CAP2: variants seen among roughly 807,000 people sequenced by gnomAD.
The protein encoded by CAP2 is adenylyl cyclase-associated protein 2.
CAP2 carries 24 observed loss-of-function variants against 57.7 expected under a neutral mutation model. That is an observed-to-expected ratio of 0.42 (90% CI 0.30 to 0.58). The LOEUF is 0.58. CAP2 is among the 20% of genes least tolerant of loss of function. The pLI, the probability that CAP2 is intolerant of heterozygous loss-of-function variation, is 0.22. For missense variants in CAP2, 501 were observed against 590.3 expected, an observed-to-expected ratio of 0.85 and a Z score of 1.57; for synonymous variants, 194 against 207.2, an observed-to-expected ratio of 0.94 and a Z score of 0.55.
chr6:17,523,548 G>C (rs1184098176), intron 7 of CAP2, among the ~76,000 whole-genome samples: 1 of 152,054 alleles, frequency 6.6e-6, no homozygotes, highest in East Asian at 1.9e-4. Context: ...TGAGATCAAG[G>C]ATAAAACCTT....
At chr6:17,512,528 A>C (rs1762182393) in intron 6 of CAP2, among the ~76,000 whole-genome samples, 1 of 152,232 alleles carries the variant, frequency 6.6e-6, no homozygotes, top group African/African-American at 2.4e-5. Flanking sequence ...ATATTGAAGT[A>C]ATGTTCATGC....
In CAP2 at chr6:17,543,222, C is replaced by T. The variant is rs577567592; in HGVS notation, c.1209+79C>T. 5 of 1,185,924 alleles carry T rather than the reference C, an allele frequency of 4.2e-6. No homozygotes were observed. The African/African-American group carries it at 7.5e-5, about 18-fold the overall frequency. 73.5% of individuals were successfully genotyped at this position (1,185,924 alleles called of 1,614,324 possible). A position where few individuals can be genotyped will look rare whatever the true frequency, so the allele number is the denominator to read the frequency against. ...CTGTAATAAGCAGAGCCTTTCCAAC[C>T]ACGCTGTAGTAAGCAGCCTTTCCAA... On this transcript the variant is annotated intron_variant, in intron 11 of 12. Coordinates refer to ENST00000229922, the MANE Select transcript of CAP2 (RefSeq NM_006366.3).
chr6:17,473,039 T>G (rs537537407), intron 4 of CAP2, among the ~76,000 whole-genome samples: 5,605 of 140,812 alleles, frequency 0.04, 345 homozygotes, highest in African/African-American at 0.15. Flanking sequence ...ATGGTGACCT[T>G]TTTTTTTTTT....
At chr6:17,424,517 G>GT (rs1259852133) in intron 2 of CAP2, among the ~76,000 whole-genome samples, 2 of 152,150 alleles carry the variant, frequency 1.3e-5, no homozygotes, top group Non-Finnish European at 2.9e-5. Context: ...GAAGGTGAGT[G>GT]TTTTTTTCCT....
chr6:17,536,328 G>T lies in CAP2; in HGVS notation c.637-2941G>T, dbSNP rs1215275489. The T allele has an allele frequency of 6.6e-6, 3 of 456,646 alleles. No individual in the cohort carries two copies. In the Middle Eastern group the frequency reaches 9.8e-4, roughly 149 times the overall value. 28.3% of individuals were successfully genotyped at this position (456,646 alleles called of 1,614,324 possible). On this transcript the variant is annotated intron_variant, in intron 7 of 12. Coordinates refer to ENST00000229922, the MANE Select transcript of CAP2 (RefSeq NM_006366.3). ...GGGAACATCTAATCAGTTTGATTTC[G>T]AGTCCACTGTACGGTAAAGCACCTG...
At chr6:17,546,100 T>A (rs1415683638) in intron 11 of CAP2, among the ~76,000 whole-genome samples, 1 of 152,214 alleles carries the variant, frequency 6.6e-6, no homozygotes, top group Non-Finnish European at 1.5e-5. Context: ...TAGTTATAGA[T>A]CCTTGAGGAA....
At chr6:17,401,916 T>C (rs912925388) in intron 1 of CAP2, among the ~76,000 whole-genome samples, 5 of 152,196 alleles carry the variant, frequency 3.3e-5, no homozygotes, top group Non-Finnish European at 5.9e-5. Context: ...TGGACAATTA[T>C]CAATTGAAAG....
At chr6:17,430,099 G>A (rs891216141) in intron 3 of CAP2, among the ~76,000 whole-genome samples, 5 of 152,152 alleles carry the variant, frequency 3.3e-5, no homozygotes, top group Non-Finnish European at 7.3e-5. Context: ...AAGGAATAAG[G>A]GCAGCCAAGC....
At chr6:17,395,187 G>C (rs1426500094) in intron 1 of CAP2, among the ~76,000 whole-genome samples, 1 of 152,160 alleles carries the variant, frequency 6.6e-6, no homozygotes, top group Non-Finnish European at 1.5e-5. Context: ...AATTTAATTT[G>C]TTGATACAGG....
chr6:17,432,886 G>A lies in CAP2; in HGVS notation c.222+6196G>A, dbSNP rs182210559. On this transcript the variant is annotated intron_variant, in intron 3 of 12. Transcript: ENST00000229922. ...CTTTTTGTCTTCCTCCCTTCCTTCCGTCTCCCTTTCCTTTGCTTTTATTTT... is the reference window on the plus strand; with the variant it reads ...CTTTTTGTCTTCCTCCCTTCCTTCCATCTCCCTTTCCTTTGCTTTTATTTT... Among the ~76,000 whole-genome samples, 69 of 136,786 alleles carry A rather than the reference G, an allele frequency of 5.0e-4. No homozygotes were observed. In the East Asian group the frequency reaches 5.1e-3, roughly 10 times the overall value. 89.7% of individuals were successfully genotyped at this position (136,786 alleles called of 152,430 possible).
At chr6:17,517,818 T>C (rs1762304200) in intron 7 of CAP2, among the ~76,000 whole-genome samples, 1 of 152,086 alleles carries the variant, frequency 6.6e-6, no homozygotes. Flanking sequence ...AGAGAATCGC[T>C]TGAACCCGGG....
chr6:17,471,294 G>A (rs1761013606), intron 4 of CAP2, among the ~76,000 whole-genome samples: 1 of 152,198 alleles, frequency 6.6e-6, no homozygotes, highest in Admixed American at 6.5e-5. Context: ...GCTAAGTTCT[G>A]TTGTCAAGGG....
rs139935281 is a variant in CAP2 at position 17,460,386 on chromosome 6, T to G, written c.223-2610T>G. On this transcript the variant is annotated intron_variant, in intron 3 of 12. Transcript: ENST00000229922. ...AGAAGTTATGATGAGAATCATTAGG[T>G]TTGCATAAATGCAGAACTAATACTT... Among the ~76,000 whole-genome samples, 966 of 152,304 alleles carry G rather than the reference T, an allele frequency of 6.3e-3. 9 individuals are homozygous for G. Among genetic ancestry groups the G allele is most frequent in the East Asian group, 0.028 (143 of 5,184 alleles).
intron 1 of CAP2, among the ~76,000 whole-genome samples, chr6:17,418,852 A>T (rs1283393313): frequency 6.6e-6 from 1 of 152,184 alleles, no homozygotes; most frequent in Admixed American, 6.5e-5. Context: ...GATTACGTAA[A>T]GGATTCAATT....
chr6:17,432,296 CTG>C (rs1358949274), intron 3 of CAP2, among the ~76,000 whole-genome samples: 12 of 152,110 alleles, frequency 7.9e-5, no homozygotes, highest in Admixed American at 7.9e-4. Context: ...GCTTTAGAAT[CTG>C]TGTCTATCCA....
chr6:17,394,690 T>A (rs1470960187), intron 1 of CAP2, among the ~76,000 whole-genome samples: 1 of 152,224 alleles, frequency 6.6e-6, no homozygotes, highest in Non-Finnish European at 1.5e-5. Flanking sequence ...ACTGCTTCTG[T>A]AGATTTCATT....
chr6:17,548,865 A>G (rs1033554035), intron 11 of CAP2, among the ~76,000 whole-genome samples: 4 of 152,236 alleles, frequency 2.6e-5, no homozygotes, highest in South Asian at 2.1e-4. Context: ...AATACACTGA[A>G]TTCTACCTCA....
chr6:17,526,085 C>G (rs944357459), intron 7 of CAP2, among the ~76,000 whole-genome samples: 1 of 150,868 alleles, frequency 6.6e-6, no homozygotes, highest in East Asian at 1.9e-4. Flanking sequence ...AACTATAGAT[C>G]ATGTCTGTTT....
At chr6:17,397,527 T>C (rs977364394) in intron 1 of CAP2, among the ~76,000 whole-genome samples, 6 of 151,566 alleles carry the variant, frequency 4.0e-5, no homozygotes, top group Non-Finnish European at 8.8e-5. Flanking sequence ...ACCCCATCTC[T>C]ACTAAAAAAT....
Sources: allele counts gnomAD v4.1 joint callset (sites outside exome capture counted in the v4.1 genomes callset), GRCh38; gene constraint gnomAD v4.1.1; transcripts MANE v1.5; gene names NCBI Gene and HGNC (gene_info 2026-07-23, HGNC 2026-07-21).